CHIC2: variants seen among roughly 807,000 people sequenced by gnomAD.
CHIC2 encodes the protein cysteine-rich hydrophobic domain-containing protein 2.
Under a neutral mutation model 25.9 loss-of-function variants are expected in CHIC2, and 14 were observed. The observed-to-expected ratio is 0.54, with a 90% CI of 0.36 to 0.85. The LOEUF is 0.85. CHIC2 is among the 40% of genes least tolerant of loss of function. The probability of loss-of-function intolerance (pLI) is 0.01; values close to 1 mark genes in which losing one functional copy is unlikely to be tolerated. For missense variants in CHIC2, 146 were observed against 202.0 expected (o/e 0.72, Z 1.68); for synonymous variants, 70 against 72.0 (o/e 0.97, Z 0.14).
intron 3 of CHIC2, among the ~76,000 whole-genome samples, chr4:54,030,825 A>AC (rs1716207379): frequency 6.6e-6 from 1 of 150,434 alleles, no homozygotes; most frequent in Admixed American, 6.6e-5. Context: ...GAGCCACCGC[A>AC]CCTGGCCTAA....
At position 54,016,084 on chromosome 4, in the gene CHIC2, A is replaced by G. The variant is rs185063604; in HGVS notation, c.331-1965T>C. 4.6e-3 allele frequency among the ~76,000 whole-genome samples: 696 copies of G among 152,302 alleles called. 4 individuals carry two copies. The highest frequency in any genetic ancestry group is 0.016 in the African/African-American group (672 of 41,568). On this transcript the variant is annotated intron_variant, in intron 3 of 5. Coordinates refer to ENST00000263921, the MANE Select transcript of CHIC2 (RefSeq NM_012110.4). ...TAATAATAGATTAAGATTACTATACAATTTGAGGTTTTACTTTTACTGATG... is the reference window on the plus strand; with the variant it reads ...TAATAATAGATTAAGATTACTATACGATTTGAGGTTTTACTTTTACTGATG...
chr4:54,018,017 G>A (rs1439383275), intron 3 of CHIC2, among the ~76,000 whole-genome samples: 2 of 152,086 alleles, frequency 1.3e-5, no homozygotes, highest in East Asian at 3.9e-4. Flanking sequence ...ACAAGTAGTA[G>A]TAACATAAGA....
rs1716235546 is a variant in CHIC2, at chr4:54,031,764, CA to C, written c.330+17190del. On this transcript the variant is annotated intron_variant, in intron 3 of 5. Transcript: ENST00000263921. ...CCTTCTGAGTAGCTGGGATTACAGG[CA>C]CGTGTCACCACGCCCAGCTAATTTT... Among the ~76,000 whole-genome samples the C allele has an allele frequency of 2.0e-5, 3 of 151,988 alleles. No individual in the cohort carries two copies. In the South Asian group the frequency reaches 6.2e-4, roughly 32 times the overall value.
At chr4:54,017,153 G>A (rs1715762046) in intron 3 of CHIC2, among the ~76,000 whole-genome samples, 1 of 151,104 alleles carries the variant, frequency 6.6e-6, no homozygotes, top group Admixed American at 6.6e-5. Flanking sequence ...TATTTCTAAT[G>A]AAATGTAAGA....
At chr4:54,049,748 A>G (rs1050876029) in intron 1 of CHIC2, among the ~76,000 whole-genome samples, 12 of 152,138 alleles carry the variant, frequency 7.9e-5, no homozygotes, top group Non-Finnish European at 1.8e-4. Flanking sequence ...AAAATGCAGG[A>G]AAAAGAGTGA....
intron 3 of CHIC2, among the ~76,000 whole-genome samples, chr4:54,015,391 A>G (rs1224153787): frequency 3.3e-5 from 5 of 152,102 alleles, no homozygotes; most frequent in African/African-American, 1.2e-4. Context: ...AGCAGACCTC[A>G]CTTGTTTCTT....
chr4:54,036,579 G>C (rs1716391848), intron 3 of CHIC2, among the ~76,000 whole-genome samples: 1 of 152,042 alleles, frequency 6.6e-6, no homozygotes. Flanking sequence ...CCTTCCACGA[G>C]GCCCTACCTC....
chr4:54,039,518 C>T (rs1322092300), intron 3 of CHIC2, among the ~76,000 whole-genome samples: 2 of 152,124 alleles, frequency 1.3e-5, no homozygotes, highest in Admixed American at 1.3e-4. Context: ...CAATGAGATG[C>T]TACTATGTAT....
At chr4:54,027,292 A>G (rs1716088317) in intron 3 of CHIC2, among the ~76,000 whole-genome samples, 1 of 152,162 alleles carries the variant, frequency 6.6e-6, no homozygotes, top group South Asian at 2.1e-4. Flanking sequence ...GACAAAACAC[A>G]TTTTCTAAGC....
the CHIC2 span, among the ~76,000 whole-genome samples, chr4:54,077,738 G>A: frequency 3.3e-5 from 5 of 152,144 alleles, no homozygotes; most frequent in Non-Finnish European, 7.4e-5. Flanking sequence ...ATCCCACTCT[G>A]CCAGTGGTTC....
intron 1 of CHIC2, among the ~76,000 whole-genome samples, chr4:54,052,696 C>G (rs1436446257): frequency 6.6e-6 from 1 of 151,976 alleles, no homozygotes; most frequent in Non-Finnish European, 1.5e-5. Context: ...ATCTACAAGA[C>G]TAATTAAATT....
At chr4:54,024,930 C>T (rs1050748807) in intron 3 of CHIC2, among the ~76,000 whole-genome samples, 1 of 152,132 alleles carries the variant, frequency 6.6e-6, no homozygotes, top group Non-Finnish European at 1.5e-5. Flanking sequence ...CCCCTTACCA[C>T]AAAATCTTCC....
intron 3 of CHIC2, among the ~76,000 whole-genome samples, chr4:54,036,684 G>C (rs1716395020): frequency 6.6e-6 from 1 of 151,990 alleles, no homozygotes; most frequent in Non-Finnish European, 1.5e-5. Flanking sequence ...GTATGTAGCA[G>C]AACAGAATCT....
At position 54,010,101 on chromosome 4, in the gene CHIC2, T is replaced by A. The variant is rs148353233; in HGVS notation, c.492A>T (p.Pro164=). 1.4e-3 allele frequency: 2,224 copies of A among 1,602,434 alleles called. 2 individuals carry two copies. The highest frequency in any genetic ancestry group is 1.7e-3 in the Non-Finnish European group (2,027 of 1,170,124). ...EFLPKTPIFR[P]D ...TCTATAAATAAAGTAAATGCTAATCTGGTCGAAAAATCGGTGTCTTTGGTA... is the reference window on the plus strand; with the variant it reads ...TCTATAAATAAAGTAAATGCTAATCAGGTCGAAAAATCGGTGTCTTTGGTA... The change falls in exon 6 of 6, where the codon CCA becomes CCT. Residue 164 remains proline (P), a synonymous_variant. Coordinates refer to ENST00000263921, the MANE Select transcript of CHIC2 (RefSeq NM_012110.4).
chr4:54,044,751 A>C (rs1487155651), intron 3 of CHIC2, among the ~76,000 whole-genome samples: 2 of 152,128 alleles, frequency 1.3e-5, no homozygotes, highest in Admixed American at 6.5e-5. Context: ...GAGAAGCAAG[A>C]GCAAACACAT....
chr4:54,015,890 G>A (rs1410056019), intron 3 of CHIC2, among the ~76,000 whole-genome samples: 2 of 152,190 alleles, frequency 1.3e-5, no homozygotes, highest in African/African-American at 4.8e-5. Context: ...GCCTTGACAA[G>A]CTCACATTGA....
the CHIC2 span, among the ~76,000 whole-genome samples, chr4:54,083,018 C>CTTTCTTTT: frequency 1.5e-5 from 1 of 67,916 alleles, no homozygotes; most frequent in Non-Finnish European, 2.6e-5. Flanking sequence ...TTCTTTCTTT[C>CTTTCTTTT]TTTTTTTTTT....
chr4:54,058,320 A>T (rs1197078883), intron 1 of CHIC2, among the ~76,000 whole-genome samples: 1 of 152,180 alleles, frequency 6.6e-6, no homozygotes, highest in Non-Finnish European at 1.5e-5. Context: ...CGCAGATGAA[A>T]AAACTGAAGT....
intron 3 of CHIC2, among the ~76,000 whole-genome samples, chr4:54,047,703 G>T (rs1716877193): frequency 6.6e-6 from 1 of 151,372 alleles, no homozygotes; most frequent in Admixed American, 6.6e-5. Context: ...AATGTTAAAT[G>T]ACGAGTTAAT....
Sources: gnomAD v4.1 joint callset for allele counts (sites outside exome capture counted in the v4.1 genomes callset) on GRCh38, gnomAD v4.1.1 for gene constraint, MANE v1.5 for transcripts, NCBI Gene and HGNC (gene_info 2026-07-23, HGNC 2026-07-21) for gene names.